FLCN: variants seen among roughly 807,000 people sequenced by gnomAD.
FLCN encodes folliculin, also known as BHD skin lesion fibrofolliculoma protein.
A neutral mutation model predicts 62.5 loss-of-function variants in FLCN; 22 were observed. That is an observed-to-expected ratio of 0.35 (90% CI 0.25 to 0.50). The LOEUF is 0.50. Among genes scored for constraint, FLCN ranks in the 20% least tolerant of loss-of-function variants. FLCN has a pLI of 0.97. For missense variants in FLCN, 657 were observed against 778.0 expected (o/e 0.84, Z 1.85); for synonymous variants, 319 against 310.0 (o/e 1.03, Z -0.30).
intron 3 of FLCN, among the ~76,000 whole-genome samples, chr17:17,230,165 C>A (rs1396137795): frequency 6.6e-6 from 1 of 152,168 alleles, no homozygotes; most frequent in East Asian, 1.9e-4. Context: ...CAGCCAGACC[C>A]ACATTGTCCA....
At chr17:17,224,238 A>G (rs1201838196) in intron 5 of FLCN, 95 bp from the exon 6 acceptor site, 8 of 1,159,650 alleles carry the variant, frequency 6.9e-6, no homozygotes, top group Middle Eastern at 2.7e-4. Flanking sequence ...AGCTGGCACA[A>G]ATCAGCCAGC....
Position 17,215,169 on chromosome 17 carries a change from G to T in FLCN, c.1432+16C>A, listed in dbSNP as rs765651374. On this transcript the variant is annotated intron_variant, in intron 12 of 13. Coordinates refer to ENST00000285071, the MANE Select transcript of FLCN (RefSeq NM_144997.7). ...CATCTTCTCACAAAAAGGACACTCT[G>T]CCTGGGGGCACCCACCTCGGTCTGC... is the stretch of plus-strand genomic sequence containing the variant. 13 of 1,614,074 alleles carry T rather than the reference G, an allele frequency of 8.1e-6. No individual in the cohort carries two copies. The highest frequency in any genetic ancestry group is 1.1e-5 in the Non-Finnish European group (13 of 1,180,002).
chr17:17,231,531 T>G (rs2047421882), intron 3 of FLCN: 1 of 152,286 alleles, frequency 6.6e-6, no homozygotes. Context: ...TTTGACTGAG[T>G]AGTGGACACT....
At chr17:17,232,256 G>A (rs2087442566) in intron 2 of FLCN, among the ~76,000 whole-genome samples, 1 of 152,146 alleles carries the variant, frequency 6.6e-6, no homozygotes, top group African/African-American at 2.4e-5. Context: ...CAGCCCACCA[G>A]AAGAGCTCCC....
At chr17:17,234,760 G>A (rs924889609) in intron 1 of FLCN, among the ~76,000 whole-genome samples, 1 of 151,256 alleles carries the variant, frequency 6.6e-6, no homozygotes, top group Non-Finnish European at 1.5e-5. Context: ...GGCGGACCAC[G>A]AGGTCAGGAG....
At chr17:17,229,934 C>A (rs2047371034) in intron 3 of FLCN, among the ~76,000 whole-genome samples, 1 of 152,204 alleles carries the variant, frequency 6.6e-6, no homozygotes, top group African/African-American at 2.4e-5. Context: ...GGCACAAAGT[C>A]TGAGGGACAC....
At chr17:17,219,418 C>T (rs2144901652) in intron 8 of FLCN, 1 of 601,652 alleles carries the variant, frequency 1.7e-6, no homozygotes, top group South Asian at 1.9e-5. Context: ...ACACATCTCT[C>T]TTAGAAGCAC....
chr17:17,217,934 G>C (rs2046973962), intron 9 of FLCN, among the ~76,000 whole-genome samples: 1 of 152,140 alleles, frequency 6.6e-6, no homozygotes, highest in African/African-American at 2.4e-5. Context: ...AGGAATTCCA[G>C]ACCCCTTCCA....
In FLCN at chr17:17,227,958, C is replaced by A. The variant is rs1203041436; in HGVS notation, c.180G>T (p.Ala60=). ...GGIQMNSRMR[A]HSPAEGASVE... ...CGCTGGCCCCCTCTGCGGGGCTGTG[C>A]GCACGCATCCGACTGTTCATCTGAA... Residue 60 remains alanine, a synonymous_variant, in exon 4 of 14, where the codon GCG becomes GCT. Coordinates refer to ENST00000285071, the MANE Select transcript of FLCN (RefSeq NM_144997.7). 6.2e-7 allele frequency: 1 copy of A among 1,614,164 alleles called. No homozygotes were observed. The highest frequency in any genetic ancestry group is 1.6e-4 in the Middle Eastern group (1 of 6,062).
At chr17:17,228,410 G>C in intron 3 of FLCN, 1 of 486,660 alleles carries the variant, frequency 2.1e-6, no homozygotes, top group Non-Finnish European at 3.7e-6. Flanking sequence ...AGCACAGCTG[G>C]AGCTGTGACA....
chr17:17,217,310 A>C (rs1488885312), intron 9 of FLCN, 128 bp from the exon 10 acceptor site: 2 of 743,312 alleles, frequency 2.7e-6, no homozygotes, highest in Non-Finnish European at 4.7e-6. Flanking sequence ...AAAGACACTT[A>C]TCTTCTCAGG....
At chr17:17,232,333 C>A (rs2047447078) in intron 2 of FLCN, among the ~76,000 whole-genome samples, 1 of 152,206 alleles carries the variant, frequency 6.6e-6, no homozygotes, top group African/African-American at 2.4e-5. Context: ...AACTGCGCCT[C>A]CAAAGTGCCT....
At chr17:17,227,567 G>A (rs1336582672) in intron 4 of FLCN, among the ~76,000 whole-genome samples, 1 of 152,120 alleles carries the variant, frequency 6.6e-6, no homozygotes, top group East Asian at 1.9e-4. Flanking sequence ...TACAAAATTA[G>A]CCAGGCGTGG....
rs1483853386 is a variant in FLCN, at chr17:17,222,580, T to C, written c.700A>G (p.Asn234Asp). Residue 234 changes from asparagine (N) to aspartate (D), a missense_variant, in exon 7 of 14, where the codon AAC becomes GAC. Transcript: ENST00000285071. Reference protein sequence around the residue: ...TAFTPFLHQRNGNAARSLTSL... With the variant: ...TAFTPFLHQRDGNAARSLTSL... ...GTCAGCGAGCGGGCGGCGTTGCCGT[T>C]CCTCTGGTGTAGGAATGGCGTGAAG... is the stretch of plus-strand genomic sequence containing the variant. The C allele has an allele frequency of 6.2e-7, 1 of 1,614,210 alleles. No individual in the cohort carries two copies.
Position 17,219,163 on chromosome 17 carries a change from C to T in FLCN, c.918G>A (p.Glu306=), listed in dbSNP as rs1225531030. 6 of 1,614,228 alleles carry T rather than the reference C, an allele frequency of 3.7e-6. No individual in the cohort carries two copies. The highest frequency in any genetic ancestry group is 5.1e-6 in the Non-Finnish European group (6 of 1,180,046). The change falls in exon 9 of 14, where the codon GAG becomes GAA. Residue 306 remains glutamate (E), a synonymous_variant. Coordinates refer to ENST00000285071, the MANE Select transcript of FLCN (RefSeq NM_144997.7). The part of the protein sequence containing the change: ...SESWDNSEAE[E]EEKAPVLPES... ...CTGGCAACACAGGGGCTTTCTCCTC[C>T]TCTTCAGCCTCAGAGTTGTCCCAGC...
chr17:17,229,697 G>A (rs1312617233), intron 3 of FLCN, among the ~76,000 whole-genome samples: 1 of 152,376 alleles, frequency 6.6e-6, no homozygotes. Flanking sequence ...TTTTAAAAGG[G>A]GGAGTGGTAA....
In FLCN at chr17:17,214,162, T is replaced by C. The variant is rs561492690; in HGVS notation, c.1539-306A>G. Among the ~76,000 whole-genome samples, 3 of 152,282 alleles carry C rather than the reference T, an allele frequency of 2.0e-5. No individual in the cohort carries two copies. The South Asian group carries it at 6.2e-4, about 32-fold the overall frequency. ...GCCAAGAAGAAAGAAAAACCTTCCT[T>C]AAACTCGTGGAAGACACTGGTTGCT... On this transcript the variant is annotated intron_variant, in intron 13 of 13. Coordinates refer to ENST00000285071, the MANE Select transcript of FLCN (RefSeq NM_144997.7).
intron 4 of FLCN, among the ~76,000 whole-genome samples, chr17:17,227,438 G>A (rs553970649): frequency 1.3e-5 from 2 of 152,330 alleles, no homozygotes; most frequent in East Asian, 3.9e-4. Flanking sequence ...CATAGGCTGG[G>A]TGTGGTGGCT....
intron 4 of FLCN, 116 bp downstream of exon 4, chr17:17,227,773 G>A (rs2047296507): frequency 1.4e-6 from 2 of 1,411,394 alleles, no homozygotes; most frequent in Non-Finnish European, 1.0e-6. Context: ...GAACTGAAGG[G>A]CCCCTGAGAA....
Sources: gnomAD v4.1 joint callset for allele counts (sites outside exome capture counted in the v4.1 genomes callset) on GRCh38, gnomAD v4.1.1 for gene constraint, MANE v1.5 for transcripts, NCBI Gene and HGNC (gene_info 2026-07-23, HGNC 2026-07-21) for gene names.